Variants in C3 observed in about 807,000 individuals in gnomAD.
C3 encodes the protein complement C3.
A neutral mutation model predicts 207.9 loss-of-function variants in C3; 97 were observed. The observed-to-expected ratio is 0.47, with a 90% CI of 0.40 to 0.55. C3 has a LOEUF of 0.55. C3 is among the 20% of genes least tolerant of loss of function. The pLI, the probability that C3 is intolerant of heterozygous loss-of-function variation, is 0.00. For missense variants in C3, 1,684 were observed against 2,171.7 expected (o/e 0.78, Z 4.46); for synonymous variants, 848 against 857.6 (o/e 0.99, Z 0.20).
chr19:6,677,781 G>C lies in C3; in HGVS notation c.*101C>G, dbSNP rs1236110972. The C allele has an allele frequency of 6.9e-7, 1 of 1,439,324 alleles. No homozygotes were observed. Among genetic ancestry groups the C allele is most frequent in the African/African-American group, 1.4e-5 (1 of 71,632 alleles). The allele number at this position is 1,439,324 out of a possible 1,614,324, so 89.2% of individuals were successfully genotyped here. ...CAAGTAGGATGGAGCTGAGCTGCAG[G>C]TGAGGCGGCTGGGGATTTCAGCCTC... On this transcript the variant is annotated 3_prime_UTR_variant, in exon 41 of 41. Transcript: ENST00000245907.
chr19:6,708,206 C>T (rs772083801), intron 14 of C3, among the ~76,000 whole-genome samples: 9 of 151,338 alleles, frequency 5.9e-5, no homozygotes, highest in Non-Finnish European at 1.2e-4. Context: ...GTGTGATCTC[C>T]GCTCACTGTA....
rs1918264270 is a variant in C3 at position 6,694,694 on chromosome 19, C to T, written c.2951-60G>A. 5 of 1,518,112 alleles carry T rather than the reference C, an allele frequency of 3.3e-6. No homozygotes were observed. In the Admixed American group the frequency reaches 5.2e-5, roughly 16 times the overall value. The allele number at this position is 1,518,112 out of a possible 1,614,324, so 94.0% of individuals were successfully genotyped here. The stretch of plus-strand genomic sequence containing the variant: ...AGGTGGGTGACCCACCTTGGGGTGG[C>T]GTGAAAAGGGTTCCAGCCTCCCAAC... On this transcript the variant is annotated intron_variant, in intron 23 of 40. Transcript: ENST00000245907.
chr19:6,713,443 C>T lies in C3; in HGVS notation c.840G>A (p.Gln280=). ...TGAGGGATTCAGGCAGGGAAATCCT[C>T]TGTTCGCCATCCTGGATCCCGAAGA... ...FVIFGIQDGE[Q]RISLPESLKR... The change falls in exon 8 of 41, where the codon CAG becomes CAA. Residue 280 remains glutamine (Q), a synonymous_variant. Coordinates refer to ENST00000245907, the MANE Select transcript of C3 (RefSeq NM_000064.4). The T allele has an allele frequency of 6.2e-7, 1 of 1,613,958 alleles. No homozygotes were observed.
chr19:6,694,649 A>G lies in C3; in HGVS notation c.2951-15T>C, dbSNP rs1360122442. 6.2e-7 allele frequency: 1 copy of G among 1,608,382 alleles called. No individual in the cohort carries two copies. The highest frequency in any genetic ancestry group is 8.5e-7 in the Non-Finnish European group (1 of 1,178,766). On this transcript the variant is annotated splice_polypyrimidine_tract_variant and intron_variant, in intron 23 of 40. Coordinates refer to ENST00000245907, the MANE Select transcript of C3 (RefSeq NM_000064.4). ...CACTGGGGTCCCTGCAGCAGGTGGG[A>G]AGAGGACGTTGCTCAAGCCAGGTGG...
Position 6,693,439 on chromosome 19 carries a change from GC to G in C3, c.3202del (p.Ala1068ProfsTer3). 6.2e-7 allele frequency: 1 copy of G among 1,612,264 alleles called. No individual in the cohort carries two copies. The highest frequency in any genetic ancestry group is 8.5e-7 in the Non-Finnish European group (1 of 1,179,440). ...AFRQPSSAFA[A>X]FVKRAPSTWL... ...GGTGCTGGGTGCCCGTTTCACGAAG[GC>G]CGCAAAGGCAGAGCTGGGTTGTCTG... On this transcript the variant is annotated frameshift_variant, in exon 25 of 41. Transcript: ENST00000245907. LOFTEE classifies it high-confidence loss of function.
At chr19:6,686,634 G>A (rs1918016141) in intron 28 of C3, 112 bp downstream of exon 28, 5 of 1,138,450 alleles carry the variant, frequency 4.4e-6, no homozygotes, top group African/African-American at 3.0e-5. Context: ...ATCTCAGCTT[G>A]GCTTAGGGTC....
At chr19:6,689,818 C>T (rs901854908) in intron 27 of C3, among the ~76,000 whole-genome samples, 5 of 152,136 alleles carry the variant, frequency 3.3e-5, no homozygotes, top group African/African-American at 1.2e-4. Context: ...CTCATGTCTA[C>T]TAAAAAGACA....
intron 38 of C3, 128 bp downstream of exon 38, chr19:6,678,997 T>C: frequency 2.7e-6 from 2 of 752,376 alleles, no homozygotes; most frequent in Admixed American, 4.0e-5. Flanking sequence ...CAATACATGC[T>C]CTCACACACA....
Position 6,713,293 on chromosome 19 carries a change from A to G in C3, c.899T>C (p.Val300Ala), listed in dbSNP as rs756370451. Reference sequence around the variant, plus strand: ...CAGCAGTACCTTCCGGCTCAGCACAACCTCCCCCGAGCCATCCTCAATCTG... The same window carrying G: ...CAGCAGTACCTTCCGGCTCAGCACAGCCTCCCCCGAGCCATCCTCAATCTG... ...RIPIEDGSGE[V>A]VLSRKVLLDG... The change falls in exon 9 of 41, where the codon GTT (valine) becomes GCT (alanine). Residue 300 changes from valine (V) to alanine (A), a missense_variant. Val to Ala is a moderately conservative substitution (Grantham distance 64, BLOSUM62 0). Around this residue, in one of 3 missense-constraint regions of C3, gnomAD observed 1,280 missense variants for 1,739.1 expected, o/e 0.74. Transcript: ENST00000245907. The G allele has an allele frequency of 4.3e-6, 7 of 1,613,140 alleles. No homozygotes were observed. The highest frequency in any genetic ancestry group is 1.3e-5 in the African/African-American group (1 of 74,706).
At chr19:6,715,624 TTTTG>T (rs1360250243) in intron 4 of C3, among the ~76,000 whole-genome samples, 4 of 147,928 alleles carry the variant, frequency 2.7e-5, no homozygotes, top group Admixed American at 2.7e-4. Flanking sequence ...TTTTTGTTTT[TTTTG>T]TTTTTTTTTT....
rs745639396 is a variant in C3 at position 6,685,157 on chromosome 19, C to T, written c.3811-11G>A. Reference sequence around the variant, plus strand: ...CACCATGAAGGTGGCCTAGAACCCACAAGAGAGAAAGATGGTGATCTGGGA... The same window carrying T: ...CACCATGAAGGTGGCCTAGAACCCATAAGAGAGAAAGATGGTGATCTGGGA... On this transcript the variant is annotated splice_polypyrimidine_tract_variant and intron_variant, in intron 29 of 40. Coordinates refer to ENST00000245907, the MANE Select transcript of C3 (RefSeq NM_000064.4). The T allele has an allele frequency of 6.2e-7, 1 of 1,612,974 alleles. No homozygotes were observed. Among genetic ancestry groups the T allele is most frequent in the Non-Finnish European group, 8.5e-7 (1 of 1,179,382 alleles).
At position 6,688,621 on chromosome 19, in the gene C3, G is replaced by A. The variant is rs139720793; in HGVS notation, c.3490-1719C>T. 7.7e-3 allele frequency among the ~76,000 whole-genome samples: 1,166 copies of A among 152,126 alleles called. 19 individuals carry two copies. The highest frequency in any genetic ancestry group is 0.027 in the African/African-American group (1,134 of 41,470). On this transcript the variant is annotated intron_variant, in intron 27 of 40. Transcript: ENST00000245907. ...TGCAACCTCCACCTCCCTGGTTCAAGTGATTCTCCTGCCTCAGCATCTTGA... is the reference window on the plus strand; with the variant it reads ...TGCAACCTCCACCTCCCTGGTTCAAATGATTCTCCTGCCTCAGCATCTTGA...
At chr19:6,686,535 T>C in intron 28 of C3, 1 of 737,204 alleles carries the variant, frequency 1.4e-6, no homozygotes, top group South Asian at 1.6e-5. Context: ...TCTCGTGTGG[T>C]TTACAATGAG....
Position 6,677,810 on chromosome 19 carries a change from C to T in C3, c.*72G>A, listed in dbSNP as rs1917745751. ...GGCGGCTGGGGATTTCAGCCTCTCC[C>T]TCTTGGCAAAGAACTCCAGACACGT... On this transcript the variant is annotated 3_prime_UTR_variant, in exon 41 of 41. Transcript: ENST00000245907. The T allele has an allele frequency of 2.5e-6, 4 of 1,593,608 alleles. No homozygotes were observed. In the African/African-American group the frequency reaches 4.0e-5, roughly 16 times the overall value.
Position 6,679,592 on chromosome 19 carries a change from C to A in C3, c.4457-96G>T, listed in dbSNP as rs11569559. On this transcript the variant is annotated intron_variant, in intron 36 of 40. Coordinates refer to ENST00000245907, the MANE Select transcript of C3 (RefSeq NM_000064.4). ...GATCCCCAGTTCTCAGTCTTCAGAC[C>A]TGGAGATGCTAGGTCTTCAACCCCT... The A allele has an allele frequency of 6.0e-3, 5,085 of 843,654 alleles. 169 individuals carry two copies. The African/African-American group carries it at 0.076, about 13-fold the overall frequency. 52.3% of individuals were successfully genotyped at this position (843,654 alleles called of 1,614,324 possible).
Position 6,677,727 on chromosome 19 carries a change from A to T in C3, c.*155T>A, listed in dbSNP as rs572645448. ...AGCACACTAGCAGGCGAACGCCAGG[A>T]GAAAATGCGGTGGGAACAGGTGAGG... On this transcript the variant is annotated 3_prime_UTR_variant, in exon 41 of 41. Coordinates refer to ENST00000245907, the MANE Select transcript of C3 (RefSeq NM_000064.4). The T allele has an allele frequency of 5.3e-6, 5 of 938,142 alleles. No homozygotes were observed. Among genetic ancestry groups the T allele is most frequent in the Non-Finnish European group, 8.0e-6 (5 of 624,606 alleles). The allele number at this position is 938,142 out of a possible 1,614,324, so 58.1% of individuals were successfully genotyped here.
chr19:6,707,748 G>A, intron 15 of C3, 52 bp downstream of exon 15: 1 of 1,608,974 alleles, frequency 6.2e-7, no homozygotes, highest in Non-Finnish European at 8.5e-7. Context: ...CCCAGCATCT[G>A]GGAGGTGGAG....
chr19:6,702,430 T>C, intron 18 of C3, 41 bp downstream of exon 18: 1 of 1,335,734 alleles, frequency 7.5e-7, no homozygotes, highest in Non-Finnish European at 1.1e-6. Flanking sequence ...TTAAACGGTC[T>C]GACTCTGGGG....
At chr19:6,704,192 CAGA>C (rs1967727024) in intron 17 of C3, among the ~76,000 whole-genome samples, 1 of 151,766 alleles carries the variant, frequency 6.6e-6, no homozygotes, top group African/African-American at 2.4e-5. Flanking sequence ...GAGGATGAGA[CAGA>C]AGGACTCCTT....
Sources: allele counts gnomAD v4.1 joint callset (sites outside exome capture counted in the v4.1 genomes callset), GRCh38; gene constraint gnomAD v4.1.1; regional missense constraint gnomAD v4.1.1; transcripts MANE v1.5; gene names NCBI Gene and HGNC (gene_info 2026-07-23, HGNC 2026-07-21).